PRPF18: variants seen among roughly 807,000 people sequenced by gnomAD.
PRPF18 encodes the protein pre-mRNA-splicing factor 18.
A neutral mutation model predicts 46.5 loss-of-function variants in PRPF18; 38 were observed. That is an observed-to-expected ratio of 0.82 (90% CI 0.63 to 1.07). The LOEUF is 1.07. Ranked by LOEUF, PRPF18 falls within the 50% of genes least tolerant of loss-of-function variation. PRPF18 has a pLI of 0.00. For synonymous variants in PRPF18, 152 were observed against 146.7 expected (o/e 1.04, Z -0.26); for missense variants, 263 against 410.0 (o/e 0.64, Z 3.10).
At chr10:13,620,697 AT>A (rs995401252) in intron 9 of PRPF18, among the ~76,000 whole-genome samples, 1 of 152,174 alleles carries the variant, frequency 6.6e-6, no homozygotes, top group Non-Finnish European at 1.5e-5. Context: ...TGAGATAATT[AT>A]TTTTTTATTT....
the PRPF18 span, chr10:13,654,400 TAGA>T: frequency 5.2e-5 from 79 of 1,528,548 alleles, no homozygotes; most frequent in Admixed American, 8.3e-5. Flanking sequence ...GTGAAGAACA[TAGA>T]AGGAGAACTC....
intron 2 of PRPF18, among the ~76,000 whole-genome samples, chr10:13,599,037 A>C (rs190616966): frequency 1.0e-3 from 152 of 152,304 alleles, no homozygotes; most frequent in African/African-American, 3.3e-3. Context: ...AGAGCTATTA[A>C]CTGCCATTAT....
intron 9 of PRPF18, among the ~76,000 whole-genome samples, chr10:13,626,431 T>C (rs560127538): frequency 3.9e-4 from 59 of 152,314 alleles, no homozygotes; most frequent in African/African-American, 1.3e-3. Context: ...CATCATAATA[T>C]GTTATGTGGG....
chr10:13,629,869 TAGGC>T (rs1399304057), intron 9 of PRPF18, among the ~76,000 whole-genome samples: 1 of 152,218 alleles, frequency 6.6e-6, no homozygotes, highest in African/African-American at 2.4e-5. Flanking sequence ...ATGGATGCCT[TAGGC>T]TGGGCATTTG....
At chr10:13,655,825 C>T in the PRPF18 span, 1 of 152,202 alleles carries the variant, frequency 6.6e-6, no homozygotes, top group Non-Finnish European at 1.5e-5. Flanking sequence ...CAGTGTCCCT[C>T]TCTGAGTGGT....
At chr10:13,654,400 T>TAGA in the PRPF18 span, 1 of 1,528,670 alleles carries the variant, frequency 6.5e-7, no homozygotes, top group Non-Finnish European at 9.1e-7. Flanking sequence ...GTGAAGAACA[T>TAGA]AGAAGGAGAA....
the PRPF18 span, chr10:13,641,468 C>A: frequency 6.6e-6 from 1 of 152,168 alleles, no homozygotes; most frequent in Non-Finnish European, 1.5e-5. Flanking sequence ...AAATATCAGT[C>A]TCATCAGCAT....
the PRPF18 span, chr10:13,645,991 G>A: frequency 6.6e-6 from 1 of 152,492 alleles, no homozygotes; most frequent in Non-Finnish European, 1.5e-5. Context: ...AAGGAAAGCA[G>A]CTTTGAGTCT....
chr10:13,612,015 G>T (rs2080276468), intron 6 of PRPF18, among the ~76,000 whole-genome samples: 1 of 151,840 alleles, frequency 6.6e-6, no homozygotes, highest in South Asian at 2.1e-4. Context: ...GAGTAGCTGG[G>T]ATTACAGGCA....
At chr10:13,653,347 C>G in the PRPF18 span, 1 of 152,294 alleles carries the variant, frequency 6.6e-6, no homozygotes, top group Non-Finnish European at 1.5e-5. Flanking sequence ...AACCCTGTCT[C>G]TACTAGAGAT....
At chr10:13,593,064 G>A (rs779670599) in intron 1 of PRPF18, among the ~76,000 whole-genome samples, 15 of 152,078 alleles carry the variant, frequency 9.9e-5, no homozygotes, top group East Asian at 3.9e-4. Flanking sequence ...ATATCCATAC[G>A]GAAATAATAA....
intron 3 of PRPF18, among the ~76,000 whole-genome samples, chr10:13,602,611 ATTCTTTATATATAGAAAATGTAATT>A (rs1183526197): frequency 6.6e-6 from 1 of 151,674 alleles, no homozygotes; most frequent in Admixed American, 6.6e-5. Context: ...TTATGAACTC[ATTCTTTATATATAGAAAATGTAATT>A]TTCTTTATAT....
intron 4 of PRPF18, among the ~76,000 whole-genome samples, chr10:13,606,078 A>G (rs2080179819): frequency 6.6e-6 from 1 of 152,054 alleles, no homozygotes; most frequent in South Asian, 2.1e-4. Flanking sequence ...GAAGTAAACC[A>G]CCACGACACA....
At chr10:13,647,528 T>A in the PRPF18 span, 1 of 152,156 alleles carries the variant, frequency 6.6e-6, no homozygotes, top group African/African-American at 2.4e-5. Context: ...CAGATGTCAC[T>A]AGGAAATTTT....
intron 1 of PRPF18, among the ~76,000 whole-genome samples, chr10:13,590,063 A>G (rs1264955383): frequency 6.6e-6 from 1 of 152,084 alleles, no homozygotes; most frequent in Admixed American, 6.6e-5. Flanking sequence ...CACAACATGA[A>G]TATTTGCATA....
At chr10:13,615,461 T>G (rs142557886) in intron 8 of PRPF18, among the ~76,000 whole-genome samples, 36 of 152,350 alleles carry the variant, frequency 2.4e-4, no homozygotes, top group Middle Eastern at 3.4e-3. Context: ...CCTTTTTAAA[T>G]TAAGCTTTAT....
At chr10:13,598,342 A>G (rs1479737683) in intron 2 of PRPF18, among the ~76,000 whole-genome samples, 3 of 152,176 alleles carry the variant, frequency 2.0e-5, no homozygotes, top group Non-Finnish European at 4.4e-5. Flanking sequence ...CTTTTGCCAA[A>G]TCATAAACTT....
chr10:13,651,650 G>A, the PRPF18 span: 150,812 of 446,324 alleles, frequency 0.34, 30,249 homozygotes, highest in East Asian at 0.74. Flanking sequence ...TCCAGCCTGG[G>A]CAACAGAACA....
chr10:13,654,471 C>T, the PRPF18 span: 1 of 1,613,978 alleles, frequency 6.2e-7, no homozygotes, highest in South Asian at 1.1e-5. Flanking sequence ...GCTCCAATTT[C>T]ACTTGACGGT....
Sources: gnomAD v4.1 joint callset for allele counts (sites outside exome capture counted in the v4.1 genomes callset) on GRCh38, gnomAD v4.1.1 for gene constraint, MANE v1.5 for transcripts, NCBI Gene and HGNC (gene_info 2026-07-23, HGNC 2026-07-21) for gene names.